The following SORBS2 variants were observed in gnomAD, a reference collection of about 807,000 sequenced individuals.
SORBS2 encodes the protein sorbin and SH3 domain containing 2.
In SORBS2, 46 loss-of-function variants were observed where a neutral mutation model predicts 97.7. The observed-to-expected ratio is 0.47, with a 90% CI of 0.37 to 0.60. SORBS2 has a LOEUF of 0.60. SORBS2 is among the 20% of genes least tolerant of loss of function. SORBS2 has a pLI of 0.00. For missense variants in SORBS2, 1,316 were observed against 1,282.3 expected (o/e 1.03, Z -0.40); for synonymous variants, 476 against 473.4 (o/e 1.01, Z -0.07).
chr4:185,878,841 G>A (rs979282803), intron 1 of SORBS2, among the ~76,000 whole-genome samples: 4 of 152,144 alleles, frequency 2.6e-5, no homozygotes, highest in African/African-American at 9.7e-5. Context: ...CTCCCTCCCA[G>A]CAGCGTCCCC....
At chr4:185,629,983 C>G (rs74525926) in intron 5 of SORBS2, among the ~76,000 whole-genome samples, 1 of 152,010 alleles carries the variant, frequency 6.6e-6, no homozygotes, top group Non-Finnish European at 1.5e-5. Flanking sequence ...TCTTTTTTTT[C>G]TCTCTCCTTG....
At chr4:185,639,116 T>C in intron 4 of SORBS2, 81 bp from the exon 14 acceptor site, 1 of 1,300,392 alleles carries the variant, frequency 7.7e-7, no homozygotes, top group African/African-American at 1.6e-5. Flanking sequence ...GGCAGCGCGC[T>C]GTGCCTGCGT....
rs1016362742 is a variant in SORBS2, at chr4:185,847,689, A to T, written c.-337-72323T>A. ...TTATAGCAACCTTGACTCCATAAGG[A>T]ATGTGACAATTTAAACCCTGCAGAC... On this transcript the variant is annotated intron_variant, in intron 1 of 20. Coordinates refer to the SORBS2 transcript ENST00000284776. Among the ~76,000 whole-genome samples, 7 of 152,130 alleles carry T rather than the reference A, an allele frequency of 4.6e-5. 1 individual carries two copies. Among genetic ancestry groups the T allele is most frequent in the Admixed American group, 3.3e-4 (5 of 15,278 alleles).
intron 1 of SORBS2, among the ~76,000 whole-genome samples, chr4:185,835,387 A>G (rs1249259356): frequency 6.6e-6 from 1 of 152,258 alleles, no homozygotes; most frequent in East Asian, 1.9e-4. Flanking sequence ...GAACATTTCA[A>G]TTCTAACGGT....
At chr4:185,899,921 A>G (rs1481649702) in intron 1 of SORBS2, among the ~76,000 whole-genome samples, 1 of 152,176 alleles carries the variant, frequency 6.6e-6, no homozygotes, top group Non-Finnish European at 1.5e-5. Flanking sequence ...GGAGGAAAAC[A>G]GGTAAGGGTT....
At chr4:185,947,771 C>A (rs1049659011) in intron 1 of SORBS2, among the ~76,000 whole-genome samples, 13 of 152,138 alleles carry the variant, frequency 8.5e-5, no homozygotes, top group African/African-American at 3.1e-4. Context: ...TCACCACACC[C>A]AGGTAATTTT....
chr4:185,953,610 A>T (rs894835725), intron 1 of SORBS2, among the ~76,000 whole-genome samples: 8 of 152,244 alleles, frequency 5.3e-5, no homozygotes, highest in Admixed American at 1.3e-4. Context: ...CAGCTGAAAG[A>T]TGAAAGAGAC....
At chr4:185,940,420 T>C (rs2099271350) in intron 1 of SORBS2, among the ~76,000 whole-genome samples, 1 of 152,178 alleles carries the variant, frequency 6.6e-6, no homozygotes, top group Admixed American at 6.5e-5. Flanking sequence ...TCAACCATCA[T>C]ACATTGCAAT....
chr4:185,672,990 G>A (rs2097735736), intron 4 of SORBS2, among the ~76,000 whole-genome samples: 1 of 152,164 alleles, frequency 6.6e-6, no homozygotes, highest in African/African-American at 2.4e-5. Context: ...TGGACAAATA[G>A]ATAAAGACAA....
chr4:185,894,591 C>T (rs2099244089), intron 1 of SORBS2, among the ~76,000 whole-genome samples: 2 of 152,166 alleles, frequency 1.3e-5, no homozygotes, highest in African/African-American at 4.8e-5. Context: ...CACAAGCACC[C>T]AGATGTCTTA....
Position 185,622,908 on chromosome 4 carries a change from A to G in SORBS2, c.2215+6T>C, listed in dbSNP as rs2153422525. On this transcript the variant is annotated splice_donor_region_variant and intron_variant, in intron 7 of 14. Coordinates refer to ENST00000418609, the Ensembl canonical transcript of SORBS2. ...CACAAGGAAAAAGAAAGAAAAGCTC[A>G]TCCACCTTGGAGTGCACCGCCACGG... The G allele has an allele frequency of 1.3e-6, 2 of 1,577,318 alleles. No homozygotes were observed. The highest frequency in any genetic ancestry group is 2.3e-5 in the East Asian group (1 of 44,326).
chr4:185,739,146 T>C (rs528991996), intron 2 of SORBS2, among the ~76,000 whole-genome samples: 1 of 152,354 alleles, frequency 6.6e-6, no homozygotes, highest in Non-Finnish European at 1.5e-5. Flanking sequence ...CATAGGCACA[T>C]AGGAACACTG....
intron 1 of SORBS2, among the ~76,000 whole-genome samples, chr4:185,789,316 A>G (rs2099070133): frequency 6.6e-6 from 1 of 152,156 alleles, no homozygotes; most frequent in South Asian, 2.1e-4. Flanking sequence ...GCAGTCCTGT[A>G]GAGAACTCCT....
At chr4:185,790,297 A>G (rs556344649) in intron 1 of SORBS2, among the ~76,000 whole-genome samples, 163 of 152,300 alleles carry the variant, frequency 1.1e-3, no homozygotes, top group African/African-American at 3.8e-3. Context: ...AAGATGTAAA[A>G]CACAAAAATA....
At chr4:185,941,512 A>G (rs999008676) in intron 1 of SORBS2, among the ~76,000 whole-genome samples, 2 of 152,208 alleles carry the variant, frequency 1.3e-5, no homozygotes, top group East Asian at 3.8e-4. Flanking sequence ...ACGAATGAAG[A>G]GTTCTGCATA....
intron 2 of SORBS2, among the ~76,000 whole-genome samples, chr4:185,700,617 A>G (rs994611168): frequency 1.3e-5 from 2 of 152,218 alleles, no homozygotes; most frequent in African/African-American, 4.8e-5. Flanking sequence ...AATTTAAGAA[A>G]CATAATATCT....
intron 11 of SORBS2, among the ~76,000 whole-genome samples, chr4:185,613,301 G>A (rs778199685): frequency 1.3e-5 from 2 of 152,144 alleles, no homozygotes; most frequent in African/African-American, 4.8e-5. Flanking sequence ...GTGTTGAAAC[G>A]CTGGATGGTT....
chr4:185,822,538 G>T (rs1477548318), intron 1 of SORBS2, among the ~76,000 whole-genome samples: 1 of 152,208 alleles, frequency 6.6e-6, no homozygotes, highest in Non-Finnish European at 1.5e-5. Context: ...TTGTTTCTGG[G>T]ATATTAGAAA....
At chr4:185,778,843 C>T (rs1027739870) in intron 1 of SORBS2, among the ~76,000 whole-genome samples, 1 of 146,220 alleles carries the variant, frequency 6.8e-6, no homozygotes, top group African/African-American at 2.5e-5. Context: ...AATAACTCTA[C>T]AATTGTTAGA....
Sources: gnomAD v4.1 joint callset for allele counts (sites outside exome capture counted in the v4.1 genomes callset) on GRCh38, gnomAD v4.1.1 for gene constraint, MANE v1.5 for transcripts, NCBI Gene and HGNC (gene_info 2026-07-23, HGNC 2026-07-21) for gene names.